RBFOX1: variants seen among roughly 807,000 people sequenced by gnomAD.
The protein encoded by RBFOX1 is RNA binding protein fox-1 homolog 1.
RBFOX1 carries 8 observed loss-of-function variants against 57.7 expected under a neutral mutation model. The ratio of observed to expected loss-of-function variants is 0.14; its 90% CI spans 0.08 to 0.25. The LOEUF (loss-of-function observed/expected upper bound fraction) is 0.25, where lower values mean the gene tolerates loss of function less well. Among genes scored for constraint, RBFOX1 ranks in the 10% least tolerant of loss-of-function variants. The probability of loss-of-function intolerance (pLI) is 1.00; values close to 1 mark genes in which losing one functional copy is unlikely to be tolerated. For missense variants in RBFOX1, 611 were observed against 548.5 expected, an observed-to-expected ratio of 1.11 and a Z score of -1.14; for synonymous variants, 326 against 222.4, an observed-to-expected ratio of 1.47 and a Z score of -4.15.
At chr16:6,955,038 C>G (rs929284339) in intron 3 of RBFOX1, among the ~76,000 whole-genome samples, 38 of 148,464 alleles carry the variant, frequency 2.6e-4, no homozygotes, top group African/African-American at 8.5e-4. Context: ...CAAGACAAGC[C>G]TGGGCAACAC....
Position 5,474,837 on chromosome 16 carries a change from C to A in RBFOX1, c.258+7583C>A, listed in dbSNP as rs78249152. 2.6e-5 allele frequency among the ~76,000 whole-genome samples: 4 copies of A among 152,248 alleles called. No individual in the cohort carries two copies. In the East Asian group the frequency reaches 7.7e-4, roughly 29 times the overall value. Reference sequence around the variant, plus strand: ...TTCTTGGTACTGGCCAAATATTGTCCCGTACATATTCTGAGCCCATGCTAT... The same window carrying A: ...TTCTTGGTACTGGCCAAATATTGTCACGTACATATTCTGAGCCCATGCTAT... On this transcript the variant is annotated intron_variant, in intron 2 of 2. Coordinates refer to the RBFOX1 transcript ENST00000585867.
chr16:7,234,608 GTA>G (rs1315291730), intron 4 of RBFOX1, among the ~76,000 whole-genome samples: 8 of 149,406 alleles, frequency 5.4e-5, no homozygotes, highest in African/African-American at 1.2e-4. Context: ...GTGTGTGTGT[GTA>G]TATATATGTT....
At chr16:6,767,947 T>TAAGAAGAAGAAGAAGAAGAAG (rs71145291) in intron 3 of RBFOX1, among the ~76,000 whole-genome samples, 122 of 101,026 alleles carry the variant, frequency 1.2e-3, no homozygotes, top group African/African-American at 4.3e-3. Flanking sequence ...ATAATAATAA[T>TAAGAAGAAGAAGAAGAAGAAG]AAGAAGAAGA....
chr16:6,234,659 G>A (rs775706796), intron 1 of RBFOX1, among the ~76,000 whole-genome samples: 12 of 152,170 alleles, frequency 7.9e-5, no homozygotes, highest in Non-Finnish European at 1.8e-4. Context: ...TGGTGGCATT[G>A]TAAACTTAAG....
At chr16:5,992,039 CAA>C (rs1295979669) in intron 4 of RBFOX1, among the ~76,000 whole-genome samples, 3 of 151,972 alleles carry the variant, frequency 2.0e-5, no homozygotes, top group African/African-American at 7.3e-5. Context: ...ACATTTTACA[CAA>C]AGTTATGGGC....
chr16:5,589,716 T>C (rs1345343338), intron 2 of RBFOX1, among the ~76,000 whole-genome samples: 1 of 152,168 alleles, frequency 6.6e-6, no homozygotes, highest in Non-Finnish European at 1.5e-5. Flanking sequence ...GTCCTCATTT[T>C]AAGTAATTTA....
Position 7,305,934 on chromosome 16 carries a change from G to A in RBFOX1, c.28-212213G>A, listed in dbSNP as rs1418243562. On this transcript the variant is annotated intron_variant, in intron 4 of 15. Transcript: ENST00000550418. ...CTTTGCTGTGGGTGTGTGTGTAAATGTGTATGTGCATGTGCGTTTTATACC... is the reference window on the plus strand; with the variant it reads ...CTTTGCTGTGGGTGTGTGTGTAAATATGTATGTGCATGTGCGTTTTATACC... 5.3e-5 allele frequency among the ~76,000 whole-genome samples: 8 copies of A among 152,132 alleles called. No homozygotes were observed. The East Asian group carries it at 1.5e-3, about 29-fold the overall frequency.
intron 3 of RBFOX1, among the ~76,000 whole-genome samples, chr16:6,819,483 C>G (rs940374338): frequency 1.3e-5 from 2 of 152,000 alleles, no homozygotes; most frequent in African/African-American, 4.8e-5. Context: ...GCGGGCGGAT[C>G]ACCTGAGGTC....
intron 13 of RBFOX1, among the ~76,000 whole-genome samples, chr16:7,674,981 G>A (rs1250845919): frequency 6.6e-6 from 1 of 152,164 alleles, no homozygotes; most frequent in Non-Finnish European, 1.5e-5. Flanking sequence ...TCTGATTGCT[G>A]CAAATACTTT....
At chr16:6,046,701 T>C (rs1313976577) in intron 1 of RBFOX1, among the ~76,000 whole-genome samples, 2 of 152,194 alleles carry the variant, frequency 1.3e-5, no homozygotes, top group Non-Finnish European at 2.9e-5. Context: ...TCTCAGATCT[T>C]AGACTCAAGG....
intron 5 of RBFOX1, among the ~76,000 whole-genome samples, chr16:7,526,776 C>A (rs957282194): frequency 6.6e-6 from 1 of 152,214 alleles, no homozygotes; most frequent in African/African-American, 2.4e-5. Context: ...CTCCCCACCA[C>A]GTATGAAGTG....
At chr16:6,751,986 C>G (rs966803605) in intron 3 of RBFOX1, among the ~76,000 whole-genome samples, 1 of 152,124 alleles carries the variant, frequency 6.6e-6, no homozygotes, top group Non-Finnish European at 1.5e-5. Context: ...AAATCAAGCA[C>G]TTTAATAGGA....
At chr16:7,058,783 A>G (rs763771871) in intron 4 of RBFOX1, among the ~76,000 whole-genome samples, 10 of 152,178 alleles carry the variant, frequency 6.6e-5, no homozygotes, top group Non-Finnish European at 1.5e-4. Context: ...GGCAATACAA[A>G]GTTTCCTTGG....
At chr16:5,457,120 G>A (rs999835870) in intron 1 of RBFOX1, among the ~76,000 whole-genome samples, 6 of 152,208 alleles carry the variant, frequency 3.9e-5, no homozygotes, top group East Asian at 1.9e-4. Flanking sequence ...ATGGTGGGGA[G>A]AGAGATCATC....
intron 3 of RBFOX1, among the ~76,000 whole-genome samples, chr16:5,781,344 T>C (rs1466313142): frequency 1.3e-5 from 2 of 152,184 alleles, no homozygotes; most frequent in Non-Finnish European, 2.9e-5. Flanking sequence ...ATTGAACCTA[T>C]TTCTAGAGTG....
chr16:6,954,650 A>C (rs2081397314), intron 3 of RBFOX1, among the ~76,000 whole-genome samples: 1 of 152,128 alleles, frequency 6.6e-6, no homozygotes, highest in African/African-American at 2.4e-5. Context: ...TTTCTAGGGC[A>C]GTTCTCCAAT....
intron 4 of RBFOX1, among the ~76,000 whole-genome samples, chr16:7,204,311 C>G (rs1489813999): frequency 6.6e-6 from 1 of 152,158 alleles, no homozygotes; most frequent in Non-Finnish European, 1.5e-5. Flanking sequence ...TGAGGGAGGA[C>G]AGGATTGCAA....
intron 2 of RBFOX1, among the ~76,000 whole-genome samples, chr16:6,478,224 C>CTTT (rs540210936): frequency 7.6e-6 from 1 of 132,354 alleles, no homozygotes; most frequent in Non-Finnish European, 1.6e-5. Context: ...CCTGTCCCAG[C>CTTT]TTTTTTTTTT....
rs542489797 is a variant in RBFOX1 at position 6,402,870 on chromosome 16, G to A, written c.-64+85813G>A. 1.3e-3 allele frequency among the ~76,000 whole-genome samples: 200 copies of A among 152,324 alleles called. 2 individuals are homozygous for A. Among genetic ancestry groups the A allele is most frequent in the East Asian group, 6.2e-3 (32 of 5,184 alleles). On this transcript the variant is annotated intron_variant, in intron 2 of 15. Coordinates refer to ENST00000550418, the MANE Select transcript of RBFOX1 (RefSeq NM_018723.4). ...GTGGGAAGAATTTAAGTGTAACCGA[G>A]ATGTAATTGTGATTGAAGCAGGGAA...
Sources: gnomAD v4.1 joint callset for allele counts (sites outside exome capture counted in the v4.1 genomes callset) on GRCh38, gnomAD v4.1.1 for gene constraint, MANE v1.5 for transcripts, NCBI Gene and HGNC (gene_info 2026-07-23, HGNC 2026-07-21) for gene names.